Variants in CHD2 observed in about 807,000 individuals in gnomAD.
CHD2 encodes the protein chromodomain helicase DNA binding protein 2.
In CHD2, 28 loss-of-function variants were observed where a neutral mutation model predicts 243.9. That is an observed-to-expected ratio of 0.11 (90% CI 0.09 to 0.16). The LOEUF (loss-of-function observed/expected upper bound fraction) is 0.16. CHD2 is among the 10% of genes least tolerant of loss of function. The probability of loss-of-function intolerance (pLI) is 1.00; values close to 1 mark genes in which losing one functional copy is unlikely to be tolerated. For missense variants in CHD2, 1,386 were observed against 2,209.8 expected (o/e 0.63, Z 7.47); for synonymous variants, 775 against 779.0 (o/e 0.99, Z 0.09).
chr15:93,000,454 G>T (rs1320197082), intron 31 of CHD2, 58 bp from the exon 32 acceptor site: 2 of 1,517,620 alleles, frequency 1.3e-6, no homozygotes, highest in Non-Finnish European at 1.8e-6. Flanking sequence ...ATGTTGTTTG[G>T]TTATGCTTTT....
intron 2 of CHD2, among the ~76,000 whole-genome samples, chr15:92,919,796 C>T (rs2052920199): frequency 6.6e-6 from 1 of 152,160 alleles, no homozygotes; most frequent in South Asian, 2.1e-4. Context: ...ATTAGACTTA[C>T]TTTAGACAAT....
Position 92,957,615 on chromosome 15 carries a change from T to TA in CHD2, c.2000+968dup, listed in dbSNP as rs367689117. Among the ~76,000 whole-genome samples, 206 of 152,272 alleles carry TA rather than the reference T, an allele frequency of 1.4e-3. 2 individuals are homozygous for TA. In the Middle Eastern group the frequency reaches 0.027, roughly 20 times the overall value. ...CCTGGTGCACAGTAAACAATTCAGT[T>TA]AATAGTTGTTCAGTTGATAGATATA... On this transcript the variant is annotated intron_variant, in intron 16 of 38. Coordinates refer to ENST00000394196, the MANE Select transcript of CHD2 (RefSeq NM_001271.4).
chr15:92,999,253 A>G (rs1364594124), intron 31 of CHD2, among the ~76,000 whole-genome samples: 2 of 151,698 alleles, frequency 1.3e-5, no homozygotes, highest in African/African-American at 4.8e-5. Context: ...TACTTTCTCA[A>G]TTTTGGAACA....
intron 5 of CHD2, among the ~76,000 whole-genome samples, chr15:92,936,256 T>G (rs957733208): frequency 2.6e-5 from 4 of 152,242 alleles, no homozygotes; most frequent in African/African-American, 7.2e-5. Flanking sequence ...ACTTGACCTG[T>G]TCTCCCATGA....
chr15:93,001,555 C>T (rs763801906), intron 32 of CHD2, among the ~76,000 whole-genome samples: 16 of 152,244 alleles, frequency 1.1e-4, no homozygotes, highest in South Asian at 8.3e-4. Flanking sequence ...CTTGCTTTGT[C>T]ACCCAGGGTA....
chr15:92,967,457 T>C lies in CHD2; in HGVS notation c.2133T>C (p.Ala711=). 1 of 1,614,014 alleles carries C rather than the reference T, an allele frequency of 6.2e-7. No homozygotes were observed. The highest frequency in any genetic ancestry group is 8.5e-7 in the Non-Finnish European group (1 of 1,179,960). The change falls in exon 17 of 39, where the codon GCT becomes GCC. Residue 711 remains alanine (A), a synonymous_variant. Coordinates refer to ENST00000394196, the MANE Select transcript of CHD2 (RefSeq NM_001271.4). ...VKKDVEKSLP[A]KVEQILRVEM... ...AAGATGTGGAGAAATCCCTTCCTGC[T>C]AAAGTGGAACAGATTCTCAGGGTGG...
chr15:92,999,311 G>T (rs1266403092), intron 31 of CHD2, among the ~76,000 whole-genome samples: 2 of 152,050 alleles, frequency 1.3e-5, no homozygotes, highest in Non-Finnish European at 2.9e-5. Context: ...CTGTTGTTCT[G>T]TCTGTCTCTG....
intron 5 of CHD2, among the ~76,000 whole-genome samples, chr15:92,935,769 A>G (rs950502153): frequency 2.6e-5 from 4 of 151,962 alleles, no homozygotes; most frequent in African/African-American, 7.2e-5. Context: ...TTATTGTACT[A>G]TGCTCCGGGG....
At chr15:92,925,188 A>G (rs986498508) in intron 3 of CHD2, among the ~76,000 whole-genome samples, 1 of 152,214 alleles carries the variant, frequency 6.6e-6, no homozygotes, top group Non-Finnish European at 1.5e-5. Context: ...AGCCAGTCAG[A>G]ATGATTGCAC....
rs912272038 is a variant in CHD2, at chr15:92,900,632, G to A, written c.-264G>A. On this transcript the variant is annotated 5_prime_UTR_variant, in exon 1 of 39. Coordinates refer to ENST00000394196, the MANE Select transcript of CHD2 (RefSeq NM_001271.4). ...CATTTTTGTGCGCTCTCCTAATGAG[G>A]TTTTTTTTCTTTCGGACCTGTTTTA... The A allele has an allele frequency of 5.0e-6, 2 of 398,006 alleles. No homozygotes were observed. Among genetic ancestry groups the A allele is most frequent in the African/African-American group, 4.1e-5 (2 of 48,400 alleles). 24.7% of individuals were successfully genotyped at this position (398,006 alleles called of 1,614,324 possible). A position where few individuals can be genotyped will look rare whatever the true frequency, so the allele number is the denominator to read the frequency against.
At chr15:92,918,070 G>T (rs1468491108) in intron 2 of CHD2, among the ~76,000 whole-genome samples, 1 of 152,164 alleles carries the variant, frequency 6.6e-6, no homozygotes, top group Non-Finnish European at 1.5e-5. Flanking sequence ...GCTTTTGGGC[G>T]GGGCTCCCAC....
rs2054595834 is a variant in CHD2 at position 93,027,524 on chromosome 15, CTT to C, written c.*2821_*2822del. 6.6e-6 allele frequency: 1 copy of C among 152,554 alleles called. No individual in the cohort carries two copies. Among genetic ancestry groups the C allele is most frequent in the East Asian group, 1.9e-4 (1 of 5,206 alleles). The allele number at this position is 152,554 out of a possible 1,614,324, so 9.5% of individuals were successfully genotyped here. ...AGCCCTTCGAAGGGAAGCCCAAACA[CTT>C]TGCACGCTGTGCTGCAGACATTCTG... On this transcript the variant is annotated 3_prime_UTR_variant, in exon 39 of 39. Transcript: ENST00000394196.
chr15:92,993,545 C>A (rs981535831), intron 28 of CHD2, among the ~76,000 whole-genome samples: 4 of 138,510 alleles, frequency 2.9e-5, no homozygotes, highest in Non-Finnish European at 4.8e-5. Flanking sequence ...AGTGATTTTG[C>A]CTGTCCTGTG....
chr15:92,983,740 A>G (rs917153407), intron 24 of CHD2, among the ~76,000 whole-genome samples: 2 of 152,230 alleles, frequency 1.3e-5, no homozygotes, highest in African/African-American at 4.8e-5. Context: ...TGAAGAGAAT[A>G]TTCTTCTAGA....
rs202174434 is a variant in CHD2 at position 93,002,322 on chromosome 15, T to A, written c.4278+5T>A. The A allele has an allele frequency of 6.3e-7, 1 of 1,591,274 alleles. No homozygotes were observed. Among genetic ancestry groups the A allele is most frequent in the African/African-American group, 1.4e-5 (1 of 72,746 alleles). The stretch of plus-strand genomic sequence containing the variant: ...TCAAAAGATAAGAAAGAGAAGGTAA[T>A]GATGCCCTTCTGTTCATGCAGATAT... On this transcript the variant is annotated splice_donor_5th_base_variant and intron_variant, in intron 33 of 38. Coordinates refer to ENST00000394196, the MANE Select transcript of CHD2 (RefSeq NM_001271.4).
chr15:92,945,350 T>TGA (rs1240203244), intron 10 of CHD2: 1 of 152,314 alleles, frequency 6.6e-6, no homozygotes, highest in Non-Finnish European at 1.5e-5. Context: ...AGTGTCAGCC[T>TGA]GAGAGAGAGA....
At chr15:92,994,362 G>T (rs915083806) in intron 28 of CHD2, among the ~76,000 whole-genome samples, 1 of 151,954 alleles carries the variant, frequency 6.6e-6, no homozygotes, top group Non-Finnish European at 1.5e-5. Flanking sequence ...TTTGTGCTTT[G>T]AAATTTTCTT....
chr15:92,901,822 A>T (rs1009480998), intron 2 of CHD2: 7 of 256,032 alleles, frequency 2.7e-5, no homozygotes, highest in South Asian at 3.4e-4. Context: ...CACTTAAAGG[A>T]CCCTTTGACT....
rs1368532471 is a variant in CHD2 at position 92,992,841 on chromosome 15, A to C, written c.3456-18A>C. ...GGGCACAGGGTCCTAAAGTGTCCCCATATTTGTTCCTCCTCAGGCTGGAGT... is the reference window on the plus strand; with the variant it reads ...GGGCACAGGGTCCTAAAGTGTCCCCCTATTTGTTCCTCCTCAGGCTGGAGT... On this transcript the variant is annotated intron_variant, in intron 27 of 38. Transcript: ENST00000394196. 1 of 1,611,260 alleles carries C rather than the reference A, an allele frequency of 6.2e-7. No individual in the cohort carries two copies. Among genetic ancestry groups the C allele is most frequent in the South Asian group, 1.1e-5 (1 of 91,076 alleles).
Sources: gnomAD v4.1 joint callset for allele counts (sites outside exome capture counted in the v4.1 genomes callset) on GRCh38, gnomAD v4.1.1 for gene constraint, MANE v1.5 for transcripts, NCBI Gene and HGNC (gene_info 2026-07-23, HGNC 2026-07-21) for gene names.